ZDHHC19: variants seen among roughly 807,000 people sequenced by gnomAD.
The protein encoded by ZDHHC19 is palmitoyltransferase ZDHHC19.
A neutral mutation model predicts 33.9 loss-of-function variants in ZDHHC19; 30 were observed. That is an observed-to-expected ratio of 0.88 (90% CI 0.66 to 1.20). ZDHHC19 has a LOEUF of 1.20. Ranked by LOEUF, ZDHHC19 falls within the 50% of genes most tolerant of loss-of-function variation. The pLI is 0.00. For missense variants in ZDHHC19, 364 were observed against 401.1 expected (o/e 0.91, Z 0.79); for synonymous variants, 178 against 167.6 (o/e 1.06, Z -0.48).
intron 5 of ZDHHC19, among the ~76,000 whole-genome samples, chr3:196,201,971 GA>G (rs1722387536): frequency 6.6e-6 from 1 of 152,068 alleles, no homozygotes; most frequent in Admixed American, 6.6e-5. Flanking sequence ...AAGTGCTATG[GA>G]TTCCTTTGTT....
chr3:196,205,821 G>A (rs764727714), intron 5 of ZDHHC19, among the ~76,000 whole-genome samples: 8 of 152,076 alleles, frequency 5.3e-5, no homozygotes, highest in Admixed American at 2.6e-4. Flanking sequence ...CACCATGCCT[G>A]GCTAATTTTT....
rs775158838 is a variant in ZDHHC19 at position 196,207,363 on chromosome 3, C to T, written c.687+35G>A. 2.6e-6 allele frequency: 4 copies of T among 1,532,766 alleles called. No homozygotes were observed. The Admixed American group carries it at 5.9e-5, about 23-fold the overall frequency. 94.9% of individuals were successfully genotyped at this position (1,532,766 alleles called of 1,614,324 possible). On this transcript the variant is annotated intron_variant, in intron 5 of 7. Transcript: ENST00000296326. Reference sequence around the variant, plus strand: ...AAAGCGCGGGAAGCGCGGAGGTCCCCGAGGTGCAAGCTGACCACCCGCGGC... The same window carrying T: ...AAAGCGCGGGAAGCGCGGAGGTCCCTGAGGTGCAAGCTGACCACCCGCGGC...
chr3:196,207,010 G>C (rs1722788180), intron 5 of ZDHHC19, among the ~76,000 whole-genome samples: 1 of 152,066 alleles, frequency 6.6e-6, no homozygotes. Context: ...ACCCTACCAT[G>C]TGGTCCTCCC....
In ZDHHC19 at chr3:196,209,451, C is replaced by A. The variant is rs1362774265; in HGVS notation, c.333G>T (p.Leu111=). ...VVWVNHGAFR[L]QWCPKCCFHR... The stretch of plus-strand genomic sequence containing the variant: ...GGAAGCAGCACTTTGGACACCATTG[C>A]AGGCGGAAGGCCCCGTGGTTCACCC... Residue 111 remains leucine, a synonymous_variant, in exon 3 of 8, where the codon CTG becomes CTT. Transcript: ENST00000296326. 6.2e-7 allele frequency: 1 copy of A among 1,611,922 alleles called. No individual in the cohort carries two copies. Among genetic ancestry groups the A allele is most frequent in the Admixed American group, 1.7e-5 (1 of 59,706 alleles).
intron 3 of ZDHHC19, 56 bp downstream of exon 3, chr3:196,209,320 C>T: frequency 2.6e-6 from 4 of 1,541,382 alleles, no homozygotes; most frequent in Non-Finnish European, 3.5e-6. Context: ...GAGGGAGGCT[C>T]CTGGTCCCAG....
chr3:196,201,128 A>T (rs1282112542), intron 5 of ZDHHC19, among the ~76,000 whole-genome samples: 1 of 151,582 alleles, frequency 6.6e-6, no homozygotes, highest in African/African-American at 2.4e-5. Flanking sequence ...GCTGGAGTGC[A>T]GTGGCACGAT....
chr3:196,206,260 C>T (rs895521212), intron 5 of ZDHHC19, among the ~76,000 whole-genome samples: 1 of 151,820 alleles, frequency 6.6e-6, no homozygotes, highest in East Asian at 2.0e-4. Flanking sequence ...CCTTGTTGGC[C>T]AGGCTGGTCT....
At chr3:196,208,954 C>T (rs186904595) in intron 3 of ZDHHC19, 16 of 272,678 alleles carry the variant, frequency 5.9e-5, no homozygotes, top group Non-Finnish European at 5.6e-5. Flanking sequence ...CTATGCAAGC[C>T]GTGCTCTCGA....
intron 5 of ZDHHC19, among the ~76,000 whole-genome samples, chr3:196,201,262 G>A (rs575138950): frequency 4.0e-5 from 6 of 151,420 alleles, no homozygotes; most frequent in East Asian, 2.0e-4. Flanking sequence ...TAGTAGAGAC[G>A]GGGTTTCACT....
chr3:196,206,443 C>A (rs946921705), intron 5 of ZDHHC19, among the ~76,000 whole-genome samples: 5 of 151,450 alleles, frequency 3.3e-5, no homozygotes, highest in Non-Finnish European at 7.4e-5. Flanking sequence ...GCCTCCATCT[C>A]CCGGGCTCAA....
rs889812584 is a variant in ZDHHC19, at chr3:196,201,175, C to T, written c.688-2301G>A. On this transcript the variant is annotated intron_variant, in intron 5 of 7. Transcript: ENST00000296326. ...GCAACCTCCGCCTCCCGGGTTCAAGCGATTCTTCTGCTTCAGCCTCCCAAG... is the reference window on the plus strand; with the variant it reads ...GCAACCTCCGCCTCCCGGGTTCAAGTGATTCTTCTGCTTCAGCCTCCCAAG... Among the ~76,000 whole-genome samples, 6 of 151,480 alleles carry T rather than the reference C, an allele frequency of 4.0e-5. 1 individual carries two copies. Among genetic ancestry groups the T allele is most frequent in the Admixed American group, 6.6e-5 (1 of 15,222 alleles).
Position 196,200,649 on chromosome 3 carries a change from T to C in ZDHHC19, c.688-1775A>G, listed in dbSNP as rs533426102. ...GATTACAAGCGTGAGCCACCACGCC[T>C]GGCCTTTTTTTTTTTTTTTTTTAGA... On this transcript the variant is annotated intron_variant, in intron 5 of 7. Coordinates refer to ENST00000296326, the MANE Select transcript of ZDHHC19 (RefSeq NM_001039617.2). 6.1e-3 allele frequency among the ~76,000 whole-genome samples: 865 copies of C among 141,124 alleles called. 8 individuals are homozygous for C. Among genetic ancestry groups the C allele is most frequent in the Non-Finnish European group, 8.9e-3 (579 of 65,168 alleles). 92.6% of individuals were successfully genotyped at this position (141,124 alleles called of 152,430 possible). A position where few individuals can be genotyped will look rare whatever the true frequency, so the allele number is the denominator to read the frequency against.
rs1430006267 is a variant in ZDHHC19 at position 196,208,514 on chromosome 3, C to T, written c.455G>A (p.Arg152His). Residue 152 changes from arginine to histidine, a missense_variant, in exon 4 of 8, where the codon CGC becomes CAC. Transcript: ENST00000296326. The stretch of plus-strand genomic sequence containing the variant: ...AAGCAGCATGAAGAAGCGGAAGTTG[C>T]GGTGACCGATGCAGTTATTGACCCA... The part of the protein sequence containing the change: ...CKWVNNCIGH[R>H]NFRFFMLLVL... 2 of 1,614,142 alleles carry T rather than the reference C, an allele frequency of 1.2e-6. No individual in the cohort carries two copies. Among genetic ancestry groups the T allele is most frequent in the Non-Finnish European group, 1.7e-6 (2 of 1,180,016 alleles).
At chr3:196,208,717 C>CAGCA in intron 3 of ZDHHC19, 157 bp from the exon 4 acceptor site, 1 of 779,698 alleles carries the variant, frequency 1.3e-6, no homozygotes. Flanking sequence ...CACAGAATGC[C>CAGCA]TCATGCTGGC....
Position 196,198,306 on chromosome 3 carries a change from CG to C in ZDHHC19, c.918del (p.Ala308ArgfsTer45). On this transcript the variant is annotated frameshift_variant, in exon 7 of 8. Coordinates refer to ENST00000296326, the MANE Select transcript of ZDHHC19 (RefSeq NM_001039617.2). LOFTEE classifies it high-confidence loss of function. ...SGSLQSREGT[P>X]GAW ...GGAGAGCTGCAGCCTCACCACGCCC[CG>C]GGGGTCCCTTCCCTGCTTTGTAGGG... 1.3e-6 allele frequency: 2 copies of C among 1,504,164 alleles called. No individual in the cohort carries two copies. Among genetic ancestry groups the C allele is most frequent in the South Asian group, 1.4e-5 (1 of 72,748 alleles). 93.2% of individuals were successfully genotyped at this position (1,504,164 alleles called of 1,614,324 possible).
At chr3:196,202,688 G>A (rs1484102182) in intron 5 of ZDHHC19, among the ~76,000 whole-genome samples, 10 of 152,234 alleles carry the variant, frequency 6.6e-5, no homozygotes, top group Admixed American at 5.9e-4. Flanking sequence ...AGTTTCACAA[G>A]CTCAAGCTGC....
At position 196,211,374 on chromosome 3, in the gene ZDHHC19, CAGCTTCCAG is replaced by C; in HGVS notation, c.-68_-60del. 1 of 1,541,044 alleles carries C rather than the reference CAGCTTCCAG, an allele frequency of 6.5e-7. No homozygotes were observed. Among genetic ancestry groups the C allele is most frequent in the Non-Finnish European group, 8.7e-7 (1 of 1,145,626 alleles). On this transcript the variant is annotated 5_prime_UTR_variant, in exon 1 of 8. Transcript: ENST00000296326. Reference sequence around the variant, plus strand: ...AGCCACCAGGCTTCCTCCCCCAGCCCAGCTTCCAGAGCTCCATGGCCACGGCAGCCTCAG... The same window carrying C: ...AGCCACCAGGCTTCCTCCCCCAGCCCAGCTCCATGGCCACGGCAGCCTCAG...
At chr3:196,202,995 T>C (rs1361387053) in intron 5 of ZDHHC19, among the ~76,000 whole-genome samples, 1 of 152,090 alleles carries the variant, frequency 6.6e-6, no homozygotes, top group Non-Finnish European at 1.5e-5. Flanking sequence ...GCGCAGTGGC[T>C]CAGCCTGTAA....
Position 196,207,480 on chromosome 3 carries a change from G to A in ZDHHC19, c.605C>T (p.Ala202Val), listed in dbSNP as rs770888668. The A allele has an allele frequency of 1.3e-6, 2 of 1,567,240 alleles. No individual in the cohort carries two copies. Among genetic ancestry groups the A allele is most frequent in the South Asian group, 2.3e-5 (2 of 85,322 alleles). The change falls in exon 5 of 8, where the codon GCG becomes GTG. Residue 202 changes from alanine (A) to valine (V), a missense_variant. Physicochemically the swap from Ala to Val is moderately conservative, Grantham distance 64. Transcript: ENST00000296326. ...GAGGGACAGCGGCACCAGGAGGCCC[G>A]CGGCGGACACGGCCACCACGATGCT... ...AIAIVVAVSAAGLLVPLSLLL... is the reference protein window; with the variant it reads ...AIAIVVAVSAVGLLVPLSLLL...
Sources: allele counts gnomAD v4.1 joint callset (sites outside exome capture counted in the v4.1 genomes callset), GRCh38; gene constraint gnomAD v4.1.1; transcripts MANE v1.5; gene names NCBI Gene and HGNC (gene_info 2026-07-23, HGNC 2026-07-21).